NCR1: variants seen among roughly 807,000 people sequenced by gnomAD.
The protein encoded by NCR1 is NK cell-activating receptor.
In NCR1, 30 loss-of-function variants were observed where a neutral mutation model predicts 32.5. The observed-to-expected ratio is 0.92, with a 90% confidence interval of 0.69 to 1.25. The LOEUF is 1.25. Ranked by LOEUF, NCR1 falls within the 50% of genes most tolerant of loss-of-function variation. NCR1 has a pLI of 0.00. For synonymous variants in NCR1, 169 were observed against 143.4 expected, an observed-to-expected ratio of 1.18 and a Z score of -1.28; for missense variants, 369 against 380.7, an observed-to-expected ratio of 0.97 and a Z score of 0.26.
At chr19:54,933,392 G>A in the NCR1 span, among the ~76,000 whole-genome samples, 5 of 152,036 alleles carry the variant, frequency 3.3e-5, no homozygotes, top group Admixed American at 2.6e-4. Flanking sequence ...TGATCCACCC[G>A]CCTCGGCCTC....
chr19:54,903,388 A>ACG (rs1556716497), upstream of NCR1, among the ~76,000 whole-genome samples: 8 of 127,028 alleles, frequency 6.3e-5, no homozygotes, highest in South Asian at 2.3e-4. Context: ...GTATGTATAT[A>ACG]CATATATGTA....
chr19:54,911,795 C>T (rs1170995597), intron 5 of NCR1, among the ~76,000 whole-genome samples: 1 of 152,038 alleles, frequency 6.6e-6, no homozygotes, highest in African/African-American at 2.4e-5. Context: ...AGTTCAAGAC[C>T]AGCCTGGCCA....
At chr19:54,936,987 G>C in the NCR1 span, among the ~76,000 whole-genome samples, 1 of 151,508 alleles carries the variant, frequency 6.6e-6, no homozygotes, top group Non-Finnish European at 1.5e-5. Context: ...CCGAGGCCGA[G>C]GCGGGTGGAT....
chr19:54,906,615 G>T lies in NCR1; in HGVS notation c.163G>T (p.Ala55Ser). ...CATCTGTTGCCAGGGAAATTATGGG[G>T]CTGTTGAATACCAGCTGCACTTTGA... ...VTICCQGNYG[A>S]VEYQLHFEGS... is the part of the protein sequence containing the mutation. The change falls in exon 3 of 7, where the codon GCT (alanine) becomes TCT (serine). Residue 55 changes from alanine (A) to serine (S), a missense_variant. Physicochemically the swap from Ala to Ser is moderately conservative, Grantham distance 99. Coordinates refer to ENST00000291890, the MANE Select transcript of NCR1 (RefSeq NM_004829.7). 1.2e-6 allele frequency: 2 copies of T among 1,614,204 alleles called. No homozygotes were observed. The highest frequency in any genetic ancestry group is 1.7e-6 in the Non-Finnish European group (2 of 1,180,048).
chr19:54,921,563 G>A, the NCR1 span, among the ~76,000 whole-genome samples: 3 of 152,126 alleles, frequency 2.0e-5, no homozygotes, highest in Non-Finnish European at 4.4e-5. Context: ...CCTGAGGTCA[G>A]GAGTTCAAGA....
downstream of NCR1, among the ~76,000 whole-genome samples, chr19:54,918,755 T>C (rs868672667): frequency 6.6e-6 from 1 of 150,844 alleles, no homozygotes; most frequent in Middle Eastern, 3.4e-3. Context: ...CTGAGGCAGG[T>C]GTATCGCCTG....
intron 5 of NCR1, 41 bp downstream of exon 5, chr19:54,910,106 G>C: frequency 6.3e-7 from 1 of 1,584,126 alleles, no homozygotes; most frequent in South Asian, 1.1e-5. Context: ...AGCGATCAGA[G>C]CCTCCCAGTG....
At chr19:54,933,171 A>G in the NCR1 span, among the ~76,000 whole-genome samples, 21 of 151,850 alleles carry the variant, frequency 1.4e-4, no homozygotes, top group Admixed American at 1.4e-3. Context: ...TTTGAGAAGG[A>G]GTCTTGTTCT....
chr19:54,911,867 G>GC (rs773342100), intron 5 of NCR1, among the ~76,000 whole-genome samples: 28 of 151,878 alleles, frequency 1.8e-4, no homozygotes, highest in Middle Eastern at 3.4e-3. Flanking sequence ...TGTGGTGTGT[G>GC]CCTGTAGTCC....
At chr19:54,931,231 G>C in the NCR1 span, among the ~76,000 whole-genome samples, 1 of 151,832 alleles carries the variant, frequency 6.6e-6, no homozygotes, top group Admixed American at 6.6e-5. Context: ...AGACCAGCCT[G>C]GCCAACATGG....
upstream of NCR1, among the ~76,000 whole-genome samples, chr19:54,903,171 G>A (rs2067331405): frequency 6.6e-6 from 1 of 151,584 alleles, no homozygotes; most frequent in African/African-American, 2.4e-5. Flanking sequence ...TTTGCCTCAA[G>A]AAGATACAAC....
downstream of NCR1, among the ~76,000 whole-genome samples, chr19:54,917,410 G>A (rs1024290741): frequency 1.3e-5 from 2 of 151,942 alleles, no homozygotes; most frequent in Non-Finnish European, 2.9e-5. Flanking sequence ...ACCTCTGCCT[G>A]CTGGGGTCTA....
downstream of NCR1, chr19:54,916,213 G>A (rs529497739): frequency 5.3e-5 from 8 of 152,006 alleles, no homozygotes; most frequent in Non-Finnish European, 7.4e-5. Context: ...GGCTGGTAAC[G>A]GGGAGCAGGG....
downstream of NCR1, among the ~76,000 whole-genome samples, chr19:54,919,691 TA>T (rs1417718230): frequency 7.0e-6 from 1 of 143,800 alleles, no homozygotes; most frequent in African/African-American, 2.6e-5. Context: ...GAGTCTTCTC[TA>T]AACTCCCCCG....
the NCR1 span, chr19:54,936,321 G>A: frequency 7.5e-5 from 121 of 1,613,850 alleles, 2 homozygotes; most frequent in Admixed American, 8.3e-5. Flanking sequence ...CAGCATCATC[G>A]TGCGTTCCCA....
the NCR1 span, among the ~76,000 whole-genome samples, chr19:54,899,656 G>A: frequency 6.6e-6 from 1 of 151,764 alleles, no homozygotes. Context: ...GGGTTGGGGG[G>A]TTCTTGCCCC....
At chr19:54,908,041 G>A (rs2067726194) in intron 3 of NCR1, among the ~76,000 whole-genome samples, 1 of 151,874 alleles carries the variant, frequency 6.6e-6, no homozygotes, top group South Asian at 2.1e-4. Context: ...CGGAGAGGGG[G>A]ATTTGGCAGG....
At chr19:54,922,980 A>G in the NCR1 span, among the ~76,000 whole-genome samples, 1 of 151,756 alleles carries the variant, frequency 6.6e-6, no homozygotes, top group South Asian at 2.1e-4. Flanking sequence ...AGAGAGAGAG[A>G]GACACATACA....
chr19:54,936,527 A>G, the NCR1 span: 1 of 1,127,936 alleles, frequency 8.9e-7, no homozygotes, highest in East Asian at 2.4e-5. Context: ...TTTAGAAATT[A>G]TTAGAAGTTC....
Sources: gnomAD v4.1 joint callset for allele counts (sites outside exome capture counted in the v4.1 genomes callset) on GRCh38, gnomAD v4.1.1 for gene constraint, MANE v1.5 for transcripts, NCBI Gene and HGNC (gene_info 2026-07-23, HGNC 2026-07-21) for gene names.